Variants in TCF12 observed in about 807,000 individuals in gnomAD.
TCF12 encodes transcription factor 12.
A neutral mutation model predicts 86.0 loss-of-function variants in TCF12; 45 were observed. That is an observed-to-expected ratio of 0.52 (90% confidence interval 0.41 to 0.67). The LOEUF is 0.67. Among genes scored for constraint, TCF12 ranks in the 30% least tolerant of loss-of-function variants. TCF12 has a pLI of 0.00. For synonymous variants in TCF12, 330 were observed against 299.6 expected (o/e 1.10, Z -1.05); for missense variants, 881 against 859.9 (o/e 1.02, Z -0.31).
intron 3 of TCF12, among the ~76,000 whole-genome samples, chr15:56,964,253 C>T (rs920141928): frequency 6.6e-6 from 1 of 152,124 alleles, no homozygotes; most frequent in Non-Finnish European, 1.5e-5. Flanking sequence ...GTAATGCATT[C>T]TGATATGAGT....
At chr15:57,086,626 G>A (rs72731914) in intron 4 of TCF12, among the ~76,000 whole-genome samples, 7,876 of 148,924 alleles carry the variant, frequency 0.053, 295 homozygotes, top group South Asian at 0.13. Flanking sequence ...ATAATCTCAC[G>A]CAATTTGGTC....
chr15:56,949,528 A>G (rs1469590610), intron 3 of TCF12, among the ~76,000 whole-genome samples: 1 of 152,208 alleles, frequency 6.6e-6, no homozygotes, highest in East Asian at 1.9e-4. Flanking sequence ...TCTTATATAC[A>G]TGTAGTTAAT....
intron 8 of TCF12, among the ~76,000 whole-genome samples, chr15:57,216,584 C>G (rs199970011): frequency 6.1e-5 from 8 of 131,652 alleles, no homozygotes; most frequent in African/African-American, 1.7e-4. Context: ...AAAAAAAAAG[C>G]AAAGATTAAA....
intron 8 of TCF12, among the ~76,000 whole-genome samples, chr15:57,220,428 G>A (rs2058536416): frequency 1.3e-5 from 2 of 152,222 alleles, no homozygotes; most frequent in Admixed American, 6.5e-5. Flanking sequence ...ACTTCTCTGG[G>A]ATACCATCTG....
chr15:56,941,763 C>T (rs1452255726), intron 3 of TCF12, among the ~76,000 whole-genome samples: 5 of 151,498 alleles, frequency 3.3e-5, no homozygotes, highest in African/African-American at 1.2e-4. Flanking sequence ...TAGTGCCCAG[C>T]CGGAAAAAGC....
intron 8 of TCF12, chr15:57,214,152 C>T (rs1042551677): frequency 2.0e-5 from 3 of 152,068 alleles, no homozygotes; most frequent in Non-Finnish European, 4.4e-5. Flanking sequence ...GCAGGGGGAC[C>T]CCCCCTCTTT....
rs111843014 is a variant in TCF12, at chr15:57,212,230, T to G, written c.579+14405T>G. On this transcript the variant is annotated intron_variant, in intron 8 of 20. Transcript: ENST00000333725. ...GCTTCATTTACCTTTTAATCTGAAG[T>G]TCTGAACTGCAGTTACATGGCTTTG... Among the ~76,000 whole-genome samples, 454 of 152,312 alleles carry G rather than the reference T, an allele frequency of 3.0e-3. 1 individual carries two copies. The highest frequency in any genetic ancestry group is 0.011 in the African/African-American group (437 of 41,574).
intron 8 of TCF12, among the ~76,000 whole-genome samples, chr15:57,203,284 C>T (rs559852431): frequency 1.6e-3 from 246 of 152,140 alleles, no homozygotes; most frequent in African/African-American, 5.7e-3. Context: ...CTAAATCACT[C>T]GTTGAACATC....
In TCF12 at chr15:57,170,712, A is replaced by ATATT. The variant is rs1491430117; in HGVS notation, c.390+4246_390+4247insTATT. Among the ~76,000 whole-genome samples the ATATT allele has an allele frequency of 8.6e-3, 127 of 14,830 alleles. 7 individuals are homozygous for ATATT. Among genetic ancestry groups the ATATT allele is most frequent in the African/African-American group, 0.032 (122 of 3,838 alleles). The allele number at this position is 14,830 out of a possible 152,430, so 9.7% of individuals were successfully genotyped here. A position where few individuals can be genotyped will look rare whatever the true frequency, so the allele number is the denominator to read the frequency against. ...ATAATATATATTATATATAATATAT[A>ATATT]ATATATATATTATATATTATATATA... On this transcript the variant is annotated intron_variant, in intron 6 of 20. Transcript: ENST00000333725.
intron 5 of TCF12, among the ~76,000 whole-genome samples, chr15:57,151,660 G>A (rs1268827796): frequency 6.6e-6 from 1 of 152,070 alleles, no homozygotes; most frequent in Non-Finnish European, 1.5e-5. Flanking sequence ...AGCTCCTTGG[G>A]AGGCTGAGGC....
At position 57,283,372 on chromosome 15, in the gene TCF12, GC is replaced by G. The variant is rs535125347; in HGVS notation, c.*11+776del. On this transcript the variant is annotated intron_variant, in intron 20 of 20. Coordinates refer to ENST00000333725, the MANE Select transcript of TCF12 (RefSeq NM_207037.2). The stretch of plus-strand genomic sequence containing the variant: ...CTTCCCAGGTTCCAGCAATTCTCCT[GC>G]CTCAGCCTCCCGAGTAGACTAGCTG... Among the ~76,000 whole-genome samples the G allele has an allele frequency of 4.2e-3, 632 of 151,872 alleles. 3 individuals carry two copies. Among genetic ancestry groups the G allele is most frequent in the Non-Finnish European group, 7.6e-3 (518 of 67,992 alleles).
At chr15:56,926,001 G>A (rs2059995138) in intron 3 of TCF12, among the ~76,000 whole-genome samples, 1 of 152,210 alleles carries the variant, frequency 6.6e-6, no homozygotes, top group Non-Finnish European at 1.5e-5. Flanking sequence ...AAATGGAGAA[G>A]GTCATTGCTC....
intron 3 of TCF12, among the ~76,000 whole-genome samples, chr15:56,933,855 C>A (rs533349069): frequency 6.6e-6 from 1 of 151,798 alleles, no homozygotes; most frequent in African/African-American, 2.4e-5. Context: ...GGAACACTAG[C>A]CTATGGAACT....
chr15:57,139,265 G>A (rs1448016036), intron 5 of TCF12, among the ~76,000 whole-genome samples: 1 of 151,942 alleles, frequency 6.6e-6, no homozygotes, highest in Non-Finnish European at 1.5e-5. Context: ...TCTTACTCAT[G>A]TGTACCACAA....
At chr15:57,170,791 A>AT (rs1262749353) in intron 6 of TCF12, among the ~76,000 whole-genome samples, 2 of 22,372 alleles carry the variant, frequency 8.9e-5, no homozygotes, top group African/African-American at 3.1e-4. Flanking sequence ...ATATATATAT[A>AT]ATATATATAT....
chr15:57,144,544 C>G (rs1215897333), intron 5 of TCF12, among the ~76,000 whole-genome samples: 1 of 152,156 alleles, frequency 6.6e-6, no homozygotes, highest in Non-Finnish European at 1.5e-5. Flanking sequence ...AAACTTGTGA[C>G]CGTTTTGTAC....
At chr15:56,931,719 T>C (rs1037567345) in intron 3 of TCF12, among the ~76,000 whole-genome samples, 20 of 152,164 alleles carry the variant, frequency 1.3e-4, no homozygotes, top group Non-Finnish European at 2.9e-4. Flanking sequence ...TTCTGTTGAG[T>C]GTAAAATTTT....
chr15:57,284,004 C>A lies in TCF12; in HGVS notation c.*11+1406C>A, dbSNP rs532139408. On this transcript the variant is annotated intron_variant, in intron 20 of 20. Transcript: ENST00000333725. ...GGAGAAAACCTCAAACTACCTCCCCCACAAAAAGTATCCAGCAATCTAACA... is the reference window on the plus strand; with the variant it reads ...GGAGAAAACCTCAAACTACCTCCCCAACAAAAAGTATCCAGCAATCTAACA... Among the ~76,000 whole-genome samples the A allele has an allele frequency of 6.6e-5, 10 of 152,244 alleles. No homozygotes were observed. In the South Asian group the frequency reaches 2.1e-3, roughly 32 times the overall value.
chr15:57,216,943 T>A (rs1347729602), intron 8 of TCF12, among the ~76,000 whole-genome samples: 3 of 152,134 alleles, frequency 2.0e-5, no homozygotes, highest in Admixed American at 6.5e-5. Context: ...TTTACTGTTT[T>A]TGAAGAATGA....
Sources: gnomAD v4.1 joint callset for allele counts (sites outside exome capture counted in the v4.1 genomes callset) on GRCh38, gnomAD v4.1.1 for gene constraint, MANE v1.5 for transcripts, NCBI Gene and HGNC (gene_info 2026-07-23, HGNC 2026-07-21) for gene names.